The following ZNRF1 variants were observed in gnomAD, a reference collection of about 807,000 sequenced individuals.
ZNRF1 encodes E3 ubiquitin-protein ligase ZNRF1.
A neutral mutation model predicts 18.4 loss-of-function variants in ZNRF1; 3 were observed. That is an observed-to-expected ratio of 0.16 (90% CI 0.07 to 0.42). The LOEUF (loss-of-function observed/expected upper bound fraction) is 0.42, where lower values mean the gene tolerates loss of function less well. Ranked by LOEUF, ZNRF1 falls within the 10% of genes least tolerant of loss-of-function variation. The pLI is 0.99. For missense variants in ZNRF1, 310 were observed against 329.8 expected (o/e 0.94, Z 0.47); for synonymous variants, 157 against 144.2 (o/e 1.09, Z -0.64).
intron 1 of ZNRF1, among the ~76,000 whole-genome samples, chr16:75,046,111 C>A (rs1029732310): frequency 1.3e-5 from 2 of 151,768 alleles, no homozygotes; most frequent in East Asian, 3.9e-4. Context: ...ACCATGTTAA[C>A]CAGGCTGGTC....
At chr16:75,089,271 TA>T (rs879493941) in intron 1 of ZNRF1, among the ~76,000 whole-genome samples, 25 of 146,860 alleles carry the variant, frequency 1.7e-4, no homozygotes, top group East Asian at 1.2e-3. Context: ...CCCAGCTAAT[TA>T]AAAAAAAAAA....
At chr16:75,036,894 T>G (rs564197961) in intron 1 of ZNRF1, among the ~76,000 whole-genome samples, 1 of 152,344 alleles carries the variant, frequency 6.6e-6, no homozygotes, top group East Asian at 1.9e-4. Context: ...GAGAAGATGC[T>G]TGGACTATGC....
chr16:75,015,435 C>T (rs902420545), intron 1 of ZNRF1, among the ~76,000 whole-genome samples: 5 of 152,098 alleles, frequency 3.3e-5, no homozygotes, highest in South Asian at 4.1e-4. Flanking sequence ...ATGAGCTGGG[C>T]GTGGTGGCAC....
chr16:74,999,633 C>T lies in ZNRF1; in HGVS notation c.-39C>T. ...GCTGCTGAGAAGTGGGGGAGGGTCT[C>T]GGCCTCCAGGTTCCCGCCCCACCGG... On this transcript the variant is annotated 5_prime_UTR_variant, in exon 1 of 5. Coordinates refer to ENST00000335325, the MANE Select transcript of ZNRF1 (RefSeq NM_032268.5). 10 of 1,312,182 alleles carry T rather than the reference C, an allele frequency of 7.6e-6. No individual in the cohort carries two copies. The highest frequency in any genetic ancestry group is 9.7e-6 in the Non-Finnish European group (10 of 1,031,978). The allele number at this position is 1,312,182 out of a possible 1,614,324, so 81.3% of individuals were successfully genotyped here. A position where few individuals can be genotyped will look rare whatever the true frequency, so the allele number is the denominator to read the frequency against.
chr16:75,054,834 C>T (rs1597883813), intron 1 of ZNRF1, among the ~76,000 whole-genome samples: 1 of 152,238 alleles, frequency 6.6e-6, no homozygotes, highest in African/African-American at 2.4e-5. Flanking sequence ...TTGGCCTTCA[C>T]TGCCCACATC....
intron 3 of ZNRF1, 67 bp from the exon 4 acceptor site, chr16:75,106,415 A>C (rs1171802076): frequency 6.3e-7 from 1 of 1,577,898 alleles, no homozygotes; most frequent in African/African-American, 1.3e-5. Flanking sequence ...TGGCCCTCTG[A>C]AAGAGCCCCT....
Position 74,999,308 on chromosome 16 carries a change from G to A in ZNRF1, c.-364G>A. The A allele has an allele frequency of 6.6e-6, 1 of 150,742 alleles. No homozygotes were observed. Among genetic ancestry groups the A allele is most frequent in the Non-Finnish European group, 1.5e-5 (1 of 67,976 alleles). The allele number at this position is 150,742 out of a possible 1,614,324, so 9.3% of individuals were successfully genotyped here. On this transcript the variant is annotated 5_prime_UTR_variant, in exon 1 of 5. Coordinates refer to ENST00000335325, the MANE Select transcript of ZNRF1 (RefSeq NM_032268.5). ...GCGGCCTCCTCCGGCGCCTCCCCGC[G>A]CCCGCCCGCCGCTCGCCGCCGCCTC...
At chr16:75,016,594 G>T (rs1318422450) in intron 1 of ZNRF1, among the ~76,000 whole-genome samples, 1 of 151,758 alleles carries the variant, frequency 6.6e-6, no homozygotes, top group Non-Finnish European at 1.5e-5. Flanking sequence ...GGAGTGCAGT[G>T]GCCTGATCTC....
intron 1 of ZNRF1, among the ~76,000 whole-genome samples, chr16:75,060,840 TCTATTTCTC>T (rs1349691161): frequency 1.3e-5 from 2 of 152,184 alleles, no homozygotes; most frequent in African/African-American, 4.8e-5. Flanking sequence ...CAAGGTCATC[TCTATTTCTC>T]CCCTGTACTA....
In ZNRF1 at chr16:75,093,601, G is replaced by T; in HGVS notation, c.454G>T (p.Val152Leu). 1 of 1,614,056 alleles carries T rather than the reference G, an allele frequency of 6.2e-7. No homozygotes were observed. Among genetic ancestry groups the T allele is most frequent in the South Asian group, 1.1e-5 (1 of 91,076 alleles). ...GFKCPICSKS[V>L]ASDEMEMHFI... ...CAAGTGCCCCATTTGCTCCAAGTCT[G>T]TGGCTTCTGACGAGATGGAAATGCA... Residue 152 changes from valine (V) to leucine (L), a missense_variant, in exon 2 of 5, where the codon GTG becomes TTG. Val to Leu is a conservative substitution (Grantham distance 32). Coordinates refer to ENST00000335325, the MANE Select transcript of ZNRF1 (RefSeq NM_032268.5).
chr16:75,034,003 A>G, intron 1 of ZNRF1, among the ~76,000 whole-genome samples: 1 of 150,316 alleles, frequency 6.7e-6, no homozygotes, highest in African/African-American at 2.5e-5. Context: ...AAAAAAAAAA[A>G]AGAAATTAGC....
At chr16:75,013,292 A>C (rs1249429924) in intron 1 of ZNRF1, among the ~76,000 whole-genome samples, 1 of 152,080 alleles carries the variant, frequency 6.6e-6, no homozygotes, top group African/African-American at 2.4e-5. Flanking sequence ...CCCACAGGGT[A>C]AGTCTTATCA....
chr16:75,070,252 C>T (rs1001005363), intron 1 of ZNRF1, among the ~76,000 whole-genome samples: 1 of 152,184 alleles, frequency 6.6e-6, no homozygotes, highest in African/African-American at 2.4e-5. Context: ...GCAGCAGGGC[C>T]GCCTAGCCCA....
At chr16:75,098,816 G>A (rs2036226343) in intron 2 of ZNRF1, among the ~76,000 whole-genome samples, 1 of 152,246 alleles carries the variant, frequency 6.6e-6, no homozygotes, top group Non-Finnish European at 1.5e-5. Flanking sequence ...AGCTGCACGG[G>A]CTTTCCCTCC....
chr16:75,092,767 G>T (rs914949473), intron 1 of ZNRF1, among the ~76,000 whole-genome samples: 2 of 152,216 alleles, frequency 1.3e-5, no homozygotes, highest in Non-Finnish European at 2.9e-5. Context: ...GGCAGAGGGG[G>T]CTGTGGGTGA....
rs555182882 is a variant in ZNRF1, at chr16:75,084,361, C to T, written c.425-9211C>T. On this transcript the variant is annotated intron_variant, in intron 1 of 4. Transcript: ENST00000335325. Reference sequence around the variant, plus strand: ...TCTAAAGAAGGAAGACTTGAGGCTGCATATTGAAAGGTAAAACTGATAAGA... The same window carrying T: ...TCTAAAGAAGGAAGACTTGAGGCTGTATATTGAAAGGTAAAACTGATAAGA... 3.9e-5 allele frequency: 6 copies of T among 152,180 alleles called. No homozygotes were observed. In the East Asian group the frequency reaches 1.2e-3, roughly 29 times the overall value. 9.4% of individuals were successfully genotyped at this position (152,180 alleles called of 1,614,324 possible). A position where few individuals can be genotyped will look rare whatever the true frequency, so the allele number is the denominator to read the frequency against.
At chr16:75,091,035 G>A (rs2036131923) in intron 1 of ZNRF1, among the ~76,000 whole-genome samples, 1 of 152,092 alleles carries the variant, frequency 6.6e-6, no homozygotes, top group African/African-American at 2.4e-5. Context: ...ACAGGCGTGA[G>A]ACACCGCACC....
chr16:75,062,690 G>A (rs1189100846), intron 1 of ZNRF1, among the ~76,000 whole-genome samples: 1 of 152,210 alleles, frequency 6.6e-6, no homozygotes, highest in African/African-American at 2.4e-5. Flanking sequence ...AGCCACTGTG[G>A]GTAATGGAGG....
In ZNRF1 at chr16:75,100,047, G is replaced by A. The variant is rs371312747; in HGVS notation, c.521-4737G>A. Among the ~76,000 whole-genome samples, 6 of 152,248 alleles carry A rather than the reference G, an allele frequency of 3.9e-5. No individual in the cohort carries two copies. The East Asian group carries it at 1.2e-3, about 29-fold the overall frequency. ...CTCCCTGGGCACTGGGCTCTGTGTG[G>A]GCACTGCTGGCTTCCCCATGCTGTC... is the stretch of plus-strand genomic sequence containing the variant. On this transcript the variant is annotated intron_variant, in intron 2 of 4. Coordinates refer to ENST00000335325, the MANE Select transcript of ZNRF1 (RefSeq NM_032268.5).
Sources: gnomAD v4.1 joint callset for allele counts (sites outside exome capture counted in the v4.1 genomes callset) on GRCh38, gnomAD v4.1.1 for gene constraint, MANE v1.5 for transcripts, NCBI Gene and HGNC (gene_info 2026-07-23, HGNC 2026-07-21) for gene names.